ZNF804B: variants seen among roughly 807,000 people sequenced by gnomAD.
ZNF804B encodes zinc finger 804B.
Under a neutral mutation model 101.4 loss-of-function variants are expected in ZNF804B, and 80 were observed. The observed-to-expected ratio is 0.79, with a 90% CI of 0.66 to 0.95. ZNF804B has a LOEUF of 0.95. ZNF804B is among the 40% of genes least tolerant of loss of function. The pLI is 0.00. For synonymous variants in ZNF804B, 622 were observed against 558.8 expected (o/e 1.11, Z -1.59); for missense variants, 1,673 against 1,561.9 (o/e 1.07, Z -1.20).
At chr7:88,870,736 C>G (rs565670255) in intron 1 of ZNF804B, among the ~76,000 whole-genome samples, 17 of 152,172 alleles carry the variant, frequency 1.1e-4, no homozygotes, top group Middle Eastern at 3.4e-3. Context: ...AATGCAAGTG[C>G]TTGAGTCATT....
chr7:89,002,208 A>G (rs1788300883), intron 1 of ZNF804B, among the ~76,000 whole-genome samples: 1 of 151,802 alleles, frequency 6.6e-6, no homozygotes, highest in African/African-American at 2.4e-5. Flanking sequence ...TTAAGCAACT[A>G]TTGGATGAAA....
chr7:89,072,534 T>C (rs1444199108), intron 1 of ZNF804B, among the ~76,000 whole-genome samples: 2 of 152,168 alleles, frequency 1.3e-5, no homozygotes, highest in African/African-American at 4.8e-5. Flanking sequence ...TACCTGAAAG[T>C]TGGGGCTACT....
At chr7:88,774,202 G>GTTTTTT (rs11349793) in intron 1 of ZNF804B, among the ~76,000 whole-genome samples, 1 of 134,372 alleles carries the variant, frequency 7.4e-6, no homozygotes, top group Non-Finnish European at 1.6e-5. Context: ...TGTTTTTTAA[G>GTTTTTT]TTTTTTTTTT....
chr7:89,234,857 T>C (rs1056604365), intron 2 of ZNF804B, among the ~76,000 whole-genome samples: 2 of 152,154 alleles, frequency 1.3e-5, no homozygotes, highest in Non-Finnish European at 2.9e-5. Flanking sequence ...GCTTTCAGAC[T>C]AGGACTGATC....
intron 1 of ZNF804B, among the ~76,000 whole-genome samples, chr7:88,876,391 G>A (rs1791939384): frequency 6.6e-6 from 1 of 152,138 alleles, no homozygotes; most frequent in African/African-American, 2.4e-5. Context: ...ACTTCTGTGA[G>A]TCTAATGAGT....
intron 2 of ZNF804B, among the ~76,000 whole-genome samples, chr7:89,282,396 G>T (rs1790113966): frequency 6.6e-6 from 1 of 151,800 alleles, no homozygotes; most frequent in Non-Finnish European, 1.5e-5. Context: ...GAGGCCCCAA[G>T]GACAGGTAAT....
At chr7:89,156,065 T>TC (rs1790966651) in intron 1 of ZNF804B, among the ~76,000 whole-genome samples, 3 of 80,892 alleles carry the variant, frequency 3.7e-5, no homozygotes, top group African/African-American at 1.3e-4. Context: ...TCTTTCTTTC[T>TC]TTCTTTCTCT....
rs563611010 is a variant in ZNF804B at position 89,122,618 on chromosome 7, T to A, written c.109-95537T>A. ...GTGACCCATTAATGCTTCTATGGCT[T>A]TCACATTCTTGTAGACAACTGGTGC... On this transcript the variant is annotated intron_variant, in intron 1 of 3. Transcript: ENST00000333190. Among the ~76,000 whole-genome samples, 4 of 152,302 alleles carry A rather than the reference T, an allele frequency of 2.6e-5. No homozygotes were observed. The South Asian group carries it at 8.3e-4, about 32-fold the overall frequency.
At chr7:89,288,728 A>T (rs1584106762) in intron 2 of ZNF804B, among the ~76,000 whole-genome samples, 1 of 152,200 alleles carries the variant, frequency 6.6e-6, no homozygotes, top group South Asian at 2.1e-4. Context: ...GGCAGCCCAC[A>T]TGTGCATAAA....
At chr7:88,908,428 G>A (rs1201051507) in intron 1 of ZNF804B, among the ~76,000 whole-genome samples, 2 of 151,498 alleles carry the variant, frequency 1.3e-5, no homozygotes, top group Admixed American at 6.6e-5. Context: ...TTTCACAGAT[G>A]ACTAAAACAA....
intron 2 of ZNF804B, among the ~76,000 whole-genome samples, chr7:89,318,974 T>G (rs1790773242): frequency 6.6e-6 from 1 of 152,164 alleles, no homozygotes; most frequent in African/African-American, 2.4e-5. Flanking sequence ...TAAGTATTCC[T>G]TAAGGGAAAC....
chr7:88,876,564 A>G (rs939405383), intron 1 of ZNF804B, among the ~76,000 whole-genome samples: 2 of 152,118 alleles, frequency 1.3e-5, no homozygotes, highest in South Asian at 2.1e-4. Context: ...TCTATCAATG[A>G]GTTCTCTGAC....
chr7:89,027,291 A>G (rs547455451), intron 1 of ZNF804B, among the ~76,000 whole-genome samples: 2 of 152,282 alleles, frequency 1.3e-5, no homozygotes, highest in South Asian at 4.1e-4. Flanking sequence ...GATACAGGGA[A>G]TAAAAATAAG....
intron 1 of ZNF804B, among the ~76,000 whole-genome samples, chr7:88,900,723 T>C (rs1247922354): frequency 1.3e-5 from 2 of 151,210 alleles, no homozygotes; most frequent in Admixed American, 6.6e-5. Context: ...ATATAAAAAG[T>C]ATTTATGCAA....
chr7:88,984,312 A>G (rs1287096147), intron 1 of ZNF804B, among the ~76,000 whole-genome samples: 1 of 152,036 alleles, frequency 6.6e-6, no homozygotes, highest in Admixed American at 6.6e-5. Context: ...TTAATGGAGG[A>G]ATTTAACTAG....
At chr7:88,954,706 TAGTTTCCTTTCCTAG>T (rs563927205) in intron 1 of ZNF804B, among the ~76,000 whole-genome samples, 15 of 151,868 alleles carry the variant, frequency 9.9e-5, no homozygotes, top group Non-Finnish European at 1.9e-4. Flanking sequence ...AAGGTATCTT[TAGTTTCCTTTCCTAG>T]AAAAATGATT....
At chr7:89,082,195 G>A (rs906736310) in intron 1 of ZNF804B, among the ~76,000 whole-genome samples, 1 of 151,438 alleles carries the variant, frequency 6.6e-6, no homozygotes, top group African/African-American at 2.4e-5. Context: ...TGATGAAAGG[G>A]AACAAATGCC....
Position 88,985,624 on chromosome 7 carries a change from C to A in ZNF804B, c.108+225540C>A, listed in dbSNP as rs940801543. ...TTTATCTTTGGCTTAGTAAAACTGCCATTATAGAAAGAGGAAAAAGCCACA... is the reference window on the plus strand; with the variant it reads ...TTTATCTTTGGCTTAGTAAAACTGCAATTATAGAAAGAGGAAAAAGCCACA... On this transcript the variant is annotated intron_variant, in intron 1 of 3. Coordinates refer to ENST00000333190, the MANE Select transcript of ZNF804B (RefSeq NM_181646.5). 2.0e-5 allele frequency among the ~76,000 whole-genome samples: 3 copies of A among 152,102 alleles called. No homozygotes were observed. The South Asian group carries it at 6.2e-4, about 32-fold the overall frequency.
In ZNF804B at chr7:89,327,460, G is replaced by T. The variant is rs1204831708; in HGVS notation, c.366G>T (p.Arg122Ser). ...GACTTCATCAGCTGGCTGAGTTAAG[G>T]CAGCAATCTGAATGGTAAGAATTAA... ...LKRLHQLAEL[R>S]QQSECVSGNG... Residue 122 changes from arginine (R) to serine (S), a missense_variant, in exon 3 of 4, where the codon AGG becomes AGT. Transcript: ENST00000333190. 1 of 1,610,116 alleles carries T rather than the reference G, an allele frequency of 6.2e-7. No homozygotes were observed. The highest frequency in any genetic ancestry group is 8.5e-7 in the Non-Finnish European group (1 of 1,178,136).
Sources: gnomAD v4.1 joint callset for allele counts (sites outside exome capture counted in the v4.1 genomes callset) on GRCh38, gnomAD v4.1.1 for gene constraint, MANE v1.5 for transcripts, NCBI Gene and HGNC (gene_info 2026-07-23, HGNC 2026-07-21) for gene names.